PRDM5: variants seen among roughly 807,000 people sequenced by gnomAD.
The protein encoded by PRDM5 is PR/SET domain 5.
PRDM5 carries 56 observed loss-of-function variants against 81.2 expected under a neutral mutation model. That is an observed-to-expected ratio of 0.69 (90% CI 0.56 to 0.86). The LOEUF (loss-of-function observed/expected upper bound fraction) is 0.86, where lower values mean the gene tolerates loss of function less well. Among genes scored for constraint, PRDM5 ranks in the 40% least tolerant of loss-of-function variants. PRDM5 has a pLI of 0.00. For synonymous variants in PRDM5, 267 were observed against 256.4 expected, an observed-to-expected ratio of 1.04 and a Z score of -0.39; for missense variants, 697 against 770.1, an observed-to-expected ratio of 0.91 and a Z score of 1.12.
At chr4:120,737,296 A>T (rs1010253525) in intron 14 of PRDM5, among the ~76,000 whole-genome samples, 5 of 152,204 alleles carry the variant, frequency 3.3e-5, no homozygotes, top group Admixed American at 2.6e-4. Flanking sequence ...ATAGGTGTAC[A>T]GTTGCTTATT....
intron 9 of PRDM5, 150 bp from the exon 10 acceptor site, chr4:120,798,574 A>C: frequency 1.6e-6 from 1 of 636,836 alleles, no homozygotes; most frequent in African/African-American, 1.8e-5. Context: ...CATAATAGAC[A>C]CATAAATGTG....
intron 12 of PRDM5, 96 bp downstream of exon 12, chr4:120,781,047 A>G: frequency 9.5e-7 from 1 of 1,052,632 alleles, no homozygotes; most frequent in Non-Finnish European, 1.4e-6. Context: ...AAATATTTTG[A>G]TAGATTAATA....
At chr4:120,798,245 T>C (rs1380657908) in intron 10 of PRDM5, 22 bp downstream of exon 10, 1 of 1,456,694 alleles carries the variant, frequency 6.9e-7, no homozygotes, top group East Asian at 2.5e-5. Context: ...TAAAAAATAA[T>C]AATAATATTA....
intron 14 of PRDM5, among the ~76,000 whole-genome samples, chr4:120,728,367 T>A (rs1739755182): frequency 6.6e-6 from 1 of 152,168 alleles, no homozygotes; most frequent in African/African-American, 2.4e-5. Context: ...CCCACTTCTG[T>A]TTCCTATTAT....
chr4:120,738,874 T>C (rs1441816507), intron 14 of PRDM5, among the ~76,000 whole-genome samples: 1 of 152,230 alleles, frequency 6.6e-6, no homozygotes, highest in Non-Finnish European at 1.5e-5. Flanking sequence ...ATTATTATTG[T>C]TTATGGTTTA....
chr4:120,913,647 C>A (rs1244153266), intron 1 of PRDM5, among the ~76,000 whole-genome samples: 3 of 152,204 alleles, frequency 2.0e-5, no homozygotes, highest in Non-Finnish European at 4.4e-5. Context: ...CTCTCTTGAG[C>A]AAAACAACTA....
chr4:120,784,958 A>G, intron 11 of PRDM5, 40 bp downstream of exon 11: 1 of 1,471,384 alleles, frequency 6.8e-7, no homozygotes, highest in Non-Finnish European at 9.5e-7. Flanking sequence ...AAAGTATGAG[A>G]TAATTCCTTA....
downstream of PRDM5, among the ~76,000 whole-genome samples, chr4:120,687,309 T>G (rs1025724199): frequency 6.6e-6 from 1 of 152,110 alleles, no homozygotes; most frequent in South Asian, 2.1e-4. Context: ...CTTCTTTGCC[T>G]TCCCTGGTTG....
chr4:120,835,637 C>T lies in PRDM5; in HGVS notation c.301-14292G>A, dbSNP rs1757258988. On this transcript the variant is annotated intron_variant, in intron 3 of 15. Transcript: ENST00000264808. Reference sequence around the variant, plus strand: ...CATCCATGTAGGACGTGACTTGCTCCTCCTTGCCTTCCATCATGATTGTGA... The same window carrying T: ...CATCCATGTAGGACGTGACTTGCTCTTCCTTGCCTTCCATCATGATTGTGA... Among the ~76,000 whole-genome samples the T allele has an allele frequency of 2.6e-5, 4 of 152,176 alleles. No homozygotes were observed. In the South Asian group the frequency reaches 8.3e-4, roughly 32 times the overall value.
chr4:120,910,781 A>ACCTAGGAGG (rs1766416308), intron 1 of PRDM5, among the ~76,000 whole-genome samples: 1 of 152,186 alleles, frequency 6.6e-6, no homozygotes, highest in Admixed American at 6.5e-5. Flanking sequence ...TAAATTAAAC[A>ACCTAGGAGG]CCTAGGAGGA....
intron 2 of PRDM5, among the ~76,000 whole-genome samples, chr4:120,889,149 T>C (rs954292724): frequency 6.6e-6 from 1 of 152,186 alleles, no homozygotes; most frequent in Admixed American, 6.5e-5. Context: ...GTCTTTACGT[T>C]CATAAAAGTA....
At chr4:120,820,033 A>G (rs1755054235) in intron 4 of PRDM5, among the ~76,000 whole-genome samples, 2 of 152,212 alleles carry the variant, frequency 1.3e-5, no homozygotes, top group Non-Finnish European at 1.5e-5. Context: ...TGCTACACAA[A>G]ATGGAAAAGT....
chr4:120,841,122 C>T (rs1382844309), intron 3 of PRDM5, among the ~76,000 whole-genome samples: 1 of 152,108 alleles, frequency 6.6e-6, no homozygotes, highest in Non-Finnish European at 1.5e-5. Flanking sequence ...AAGACTCAAT[C>T]AAGGATGATT....
intron 14 of PRDM5, among the ~76,000 whole-genome samples, chr4:120,730,912 A>T (rs1385916925): frequency 6.6e-6 from 1 of 152,192 alleles, no homozygotes; most frequent in Non-Finnish European, 1.5e-5. Flanking sequence ...TTATTGTTAC[A>T]AATGGGGCTG....
chr4:120,876,209 C>T (rs1762319208), intron 2 of PRDM5, among the ~76,000 whole-genome samples: 1 of 152,186 alleles, frequency 6.6e-6, no homozygotes, highest in Non-Finnish European at 1.5e-5. Flanking sequence ...ACATCCACAT[C>T]AGGAGTTATG....
intron 4 of PRDM5, among the ~76,000 whole-genome samples, chr4:120,819,283 A>T (rs1019300681): frequency 3.9e-5 from 6 of 152,192 alleles, no homozygotes; most frequent in Non-Finnish European, 7.4e-5. Context: ...TCTCAAGTCA[A>T]ATGTTGGCAT....
At chr4:120,810,012 C>G (rs1396820458) in intron 8 of PRDM5, among the ~76,000 whole-genome samples, 1 of 152,176 alleles carries the variant, frequency 6.6e-6, no homozygotes, top group East Asian at 1.9e-4. Context: ...AGGGCTCTCA[C>G]TGATTCTATA....
chr4:120,907,576 A>G lies in PRDM5; in HGVS notation c.94-19T>C, dbSNP rs747008546. 6 of 1,571,004 alleles carry G rather than the reference A, an allele frequency of 3.8e-6. No individual in the cohort carries two copies. In the South Asian group the frequency reaches 4.4e-5, roughly 12 times the overall value. ...TTTCACCCTGAGTAGCAATGATTAT[A>G]TTGAACAAGGATTAGTACAATAAAT... On this transcript the variant is annotated intron_variant, in intron 1 of 15. Coordinates refer to ENST00000264808, the MANE Select transcript of PRDM5 (RefSeq NM_018699.4).
chr4:120,758,424 G>A (rs898977126), intron 13 of PRDM5, among the ~76,000 whole-genome samples: 2 of 152,072 alleles, frequency 1.3e-5, no homozygotes, highest in Admixed American at 6.6e-5. Flanking sequence ...TTGGGAACTG[G>A]GTTGTTGCAA....
Sources: allele counts gnomAD v4.1 joint callset (sites outside exome capture counted in the v4.1 genomes callset), GRCh38; gene constraint gnomAD v4.1.1; transcripts MANE v1.5; gene names NCBI Gene and HGNC (gene_info 2026-07-23, HGNC 2026-07-21).